The following RAB27B variants were observed in gnomAD, a reference collection of about 807,000 sequenced individuals.
The protein encoded by RAB27B is ras-related protein Rab-27B.
RAB27B carries 15 observed loss-of-function variants against 24.6 expected under a neutral mutation model. The ratio of observed to expected loss-of-function variants is 0.61; its 90% CI spans 0.41 to 0.94. The LOEUF is 0.94. Among genes scored for constraint, RAB27B ranks in the 40% least tolerant of loss-of-function variants. The probability of loss-of-function intolerance (pLI) is 0.00; values close to 1 mark genes in which losing one functional copy is unlikely to be tolerated. For missense variants in RAB27B, 261 were observed against 266.8 expected (o/e 0.98, Z 0.15); for synonymous variants, 105 against 92.5 (o/e 1.14, Z -0.78).
chr18:54,772,822 T>G (rs1908593125), intron 2 of RAB27B, among the ~76,000 whole-genome samples: 1 of 152,240 alleles, frequency 6.6e-6, no homozygotes. Context: ...TGATTATACC[T>G]ACCTTGTATA....
At chr18:54,765,829 C>T (rs868554973) in intron 2 of RAB27B, among the ~76,000 whole-genome samples, 1 of 152,116 alleles carries the variant, frequency 6.6e-6, no homozygotes, top group African/African-American at 2.4e-5. Flanking sequence ...TGCCCACACC[C>T]CATTGCTCAC....
chr18:54,773,698 CAG>C (rs961974691), intron 2 of RAB27B, among the ~76,000 whole-genome samples: 2 of 148,568 alleles, frequency 1.3e-5, no homozygotes, highest in African/African-American at 2.5e-5. Flanking sequence ...TCTTTTGAGA[CAG>C]AGTCTCACTC....
At chr18:54,757,989 T>C (rs1162506057) in intron 2 of RAB27B, among the ~76,000 whole-genome samples, 1 of 152,188 alleles carries the variant, frequency 6.6e-6, no homozygotes, top group Non-Finnish European at 1.5e-5. Flanking sequence ...TTTTCTTTTT[T>C]TGAGATGGAG....
At chr18:54,723,863 C>G (rs117980916) in intron 2 of RAB27B, among the ~76,000 whole-genome samples, 1 of 152,082 alleles carries the variant, frequency 6.6e-6, no homozygotes, top group Non-Finnish European at 1.5e-5. Flanking sequence ...AGTGTCACTA[C>G]GAATTAATCT....
chr18:54,739,857 C>T (rs192159420), intron 2 of RAB27B, among the ~76,000 whole-genome samples: 7 of 152,234 alleles, frequency 4.6e-5, no homozygotes, highest in South Asian at 2.1e-4. Context: ...TGCATTTCTT[C>T]GAAGTCCTAA....
At chr18:54,872,362 A>G (rs902753787) in intron 1 of RAB27B, among the ~76,000 whole-genome samples, 1 of 152,190 alleles carries the variant, frequency 6.6e-6, no homozygotes, top group Admixed American at 6.5e-5. Flanking sequence ...ACAGTGGCTC[A>G]TGCCTGTAAT....
intron 2 of RAB27B, among the ~76,000 whole-genome samples, chr18:54,719,744 T>C (rs1259665402): frequency 1.3e-5 from 2 of 152,050 alleles, no homozygotes; most frequent in Non-Finnish European, 2.9e-5. Flanking sequence ...TCATAAACTT[T>C]GTGTTATTAA....
chr18:54,838,746 C>A (rs1406199745), intron 1 of RAB27B, among the ~76,000 whole-genome samples: 1 of 152,110 alleles, frequency 6.6e-6, no homozygotes, highest in Non-Finnish European at 1.5e-5. Context: ...AGACACATAC[C>A]TACAAATATT....
chr18:54,851,676 GCTTTTTTTT>G (rs1044655561), intron 1 of RAB27B, among the ~76,000 whole-genome samples: 7 of 151,914 alleles, frequency 4.6e-5, no homozygotes, highest in African/African-American at 1.2e-4. Flanking sequence ...TTGTTTGTCT[GCTTTTTTTT>G]CTTTTTTTTC....
intron 2 of RAB27B, among the ~76,000 whole-genome samples, chr18:54,768,001 C>G (rs1261105220): frequency 6.6e-6 from 1 of 152,014 alleles, no homozygotes; most frequent in African/African-American, 2.4e-5. Context: ...GAATCTCCGG[C>G]TAATAGAGAC....
chr18:54,780,155 T>C (rs1366921076), intron 2 of RAB27B, among the ~76,000 whole-genome samples: 4 of 129,774 alleles, frequency 3.1e-5, no homozygotes, highest in East Asian at 2.4e-4. Context: ...CTGTCTCCCC[T>C]TTGCTGACTG....
intron 2 of RAB27B, among the ~76,000 whole-genome samples, chr18:54,770,943 C>T (rs184039743): frequency 1.3e-5 from 2 of 152,218 alleles, no homozygotes; most frequent in Admixed American, 1.3e-4. Context: ...ATTCTAGGAG[C>T]AGAGACACTA....
chr18:54,845,611 C>T (rs906919762), intron 1 of RAB27B, among the ~76,000 whole-genome samples: 3 of 151,888 alleles, frequency 2.0e-5, no homozygotes, highest in Non-Finnish European at 4.4e-5. Context: ...CTGGTTGGAC[C>T]CCCTGACTGC....
intron 1 of RAB27B, among the ~76,000 whole-genome samples, chr18:54,856,663 G>A (rs947957336): frequency 1.3e-5 from 2 of 152,218 alleles, no homozygotes; most frequent in African/African-American, 4.8e-5. Context: ...GGCCTGTGCT[G>A]AGCAGACCAG....
At chr18:54,808,735 T>C (rs945163508) in intron 2 of RAB27B, among the ~76,000 whole-genome samples, 2 of 152,228 alleles carry the variant, frequency 1.3e-5, no homozygotes, top group African/African-American at 4.8e-5. Flanking sequence ...CACACATGCC[T>C]TACAGACTTC....
In RAB27B at chr18:54,811,692, TG is replaced by T. The variant is rs907375351; in HGVS notation, c.-19-65874del. ...CAGCTATCGATTTACGTTGCCAGGG[TG>T]AAATTCAATGGAACTGTGTTTTAGG... On this transcript the variant is annotated intron_variant, in intron 2 of 4. Coordinates refer to the RAB27B transcript ENST00000586570. Among the ~76,000 whole-genome samples the T allele has an allele frequency of 6.2e-4, 95 of 152,170 alleles. 1 individual carries two copies. The highest frequency in any genetic ancestry group is 1.3e-4 in the Non-Finnish European group (9 of 68,032).
chr18:54,884,605 T>G (rs1013358270), intron 4 of RAB27B, among the ~76,000 whole-genome samples, 169 bp downstream of exon 4: 7 of 152,334 alleles, frequency 4.6e-5, no homozygotes, highest in Admixed American at 3.3e-4. Flanking sequence ...GGCCTTTATG[T>G]GGACCACCCT....
chr18:54,813,640 G>C (rs1180263366), intron 2 of RAB27B, among the ~76,000 whole-genome samples: 1 of 152,130 alleles, frequency 6.6e-6, no homozygotes, highest in Admixed American at 6.6e-5. Context: ...GTAGATGCTG[G>C]TGCCATGCTT....
Position 54,724,513 on chromosome 18 carries a change from C to T in RAB27B, c.-20+6372C>T, listed in dbSNP as rs375594629. 5.3e-5 allele frequency among the ~76,000 whole-genome samples: 8 copies of T among 151,266 alleles called. No individual in the cohort carries two copies. In the East Asian group the frequency reaches 1.3e-3, roughly 26 times the overall value. ...CTTAGGCAGGGGGATAACTTGAGATCAGGAGTTCGAGACCAGCCTGGCCAA... is the reference window on the plus strand; with the variant it reads ...CTTAGGCAGGGGGATAACTTGAGATTAGGAGTTCGAGACCAGCCTGGCCAA... On this transcript the variant is annotated intron_variant, in intron 2 of 4. Transcript: ENST00000586570.
Sources: gnomAD v4.1 joint callset for allele counts (sites outside exome capture counted in the v4.1 genomes callset) on GRCh38, gnomAD v4.1.1 for gene constraint, MANE v1.5 for transcripts, NCBI Gene and HGNC (gene_info 2026-07-23, HGNC 2026-07-21) for gene names.